FAM217B: variants seen among roughly 807,000 people sequenced by gnomAD.
FAM217B encodes the protein protein FAM217B.
For synonymous variants in FAM217B, 163 were observed against 173.0 expected (o/e 0.94, Z 0.45); for missense variants, 463 against 456.9 (o/e 1.01, Z -0.12).
upstream of FAM217B, chr20:59,939,247 G>T: frequency 6.2e-7 from 1 of 1,611,670 alleles, no homozygotes; most frequent in Non-Finnish European, 8.5e-7. Flanking sequence ...GTGCCCTCGG[G>T]GCCTGCGGGC....
At chr20:59,934,631 T>C (rs1006095091) in intron 1 of FAM217B, among the ~76,000 whole-genome samples, 4 of 152,250 alleles carry the variant, frequency 2.6e-5, no homozygotes, top group African/African-American at 7.2e-5. Context: ...TTTGGATTAA[T>C]ATTTGTGTCG....
upstream of FAM217B, chr20:59,939,257 C>CCCGCGCCA (rs748334915): frequency 3.1e-3 from 5,044 of 1,612,056 alleles, 8 homozygotes; most frequent in Non-Finnish European, 4.0e-3. Flanking sequence ...GGCCTGCGGG[C>CCCGCGCCA]CCGCGCCACC....
intron 1 of FAM217B, among the ~76,000 whole-genome samples, chr20:59,934,388 T>C (rs1028806628): frequency 1.3e-5 from 2 of 152,128 alleles, no homozygotes; most frequent in Non-Finnish European, 1.5e-5. Context: ...CGCGAAAGGG[T>C]CTCCTTGCCC....
intron 1 of FAM217B, among the ~76,000 whole-genome samples, chr20:59,934,297 C>T (rs1486753483): frequency 6.6e-6 from 1 of 152,240 alleles, no homozygotes; most frequent in Non-Finnish European, 1.5e-5. Context: ...TCAGACGCTT[C>T]CATTTAAGAG....
chr20:59,937,392 A>C (rs1015557641), upstream of FAM217B: 1 of 152,792 alleles, frequency 6.5e-6, no homozygotes, highest in African/African-American at 2.4e-5. Flanking sequence ...CAATTTAGTC[A>C]CAATATTTCA....
upstream of FAM217B, chr20:59,940,112 G>C: frequency 2.3e-6 from 1 of 435,042 alleles, no homozygotes; most frequent in Non-Finnish European, 4.0e-6. Flanking sequence ...CCTTGTCCAG[G>C]TCCTCCGCTT....
chr20:59,943,817 C>A, intron 3 of FAM217B, 123 bp from the exon 4 acceptor site: 2 of 751,238 alleles, frequency 2.7e-6, no homozygotes, highest in Non-Finnish European at 4.3e-6. Context: ...CTGACATTTT[C>A]TAATGCCTAC....
upstream of FAM217B, chr20:59,940,002 G>T: frequency 8.4e-7 from 1 of 1,190,956 alleles, no homozygotes; most frequent in Non-Finnish European, 1.1e-6. Context: ...AGCTCCCTCC[G>T]TGCTCAGAAG....
rs538611003 is a variant in FAM217B at position 59,947,903 on chromosome 20, T to G, written c.*2808T>G. The stretch of plus-strand genomic sequence containing the variant: ...TTGAATCATGAACTCATTCAATTCA[T>G]CAAGTCAAAAGCACTGAGTGTTTTG... On this transcript the variant is annotated 3_prime_UTR_variant, in exon 4 of 4. Coordinates refer to ENST00000360816, the MANE Select transcript of FAM217B (RefSeq NM_022106.3). 6.0e-6 allele frequency: 1 copy of G among 167,152 alleles called. No homozygotes were observed. Among genetic ancestry groups the G allele is most frequent in the African/African-American group, 2.4e-5 (1 of 41,576 alleles). The allele number at this position is 167,152 out of a possible 1,614,324, so 10.4% of individuals were successfully genotyped here. A position where few individuals can be genotyped will look rare whatever the true frequency, so the allele number is the denominator to read the frequency against.
upstream of FAM217B, chr20:59,937,320 AC>A (rs2032063806): frequency 6.5e-6 from 1 of 152,676 alleles, no homozygotes; most frequent in African/African-American, 2.4e-5. Flanking sequence ...AGGAAATGTA[AC>A]AAGGCTTCTC....
chr20:59,939,621 C>G, upstream of FAM217B: 2 of 1,586,252 alleles, frequency 1.3e-6, no homozygotes, highest in Non-Finnish European at 1.7e-6. Flanking sequence ...GTCGGCGAAG[C>G]GCACGCGGAG....
chr20:59,939,531 C>T (rs1381435052), upstream of FAM217B: 2 of 1,611,880 alleles, frequency 1.2e-6, no homozygotes, highest in Non-Finnish European at 1.7e-6. Flanking sequence ...GATTGCGAGC[C>T]GCGACAGCAC....
intron 1 of FAM217B, among the ~76,000 whole-genome samples, chr20:59,934,016 G>C (rs1468803949): frequency 6.6e-6 from 1 of 152,122 alleles, no homozygotes. Flanking sequence ...TGGAAGGGAC[G>C]GAAGCGCGGG....
At chr20:59,937,337 CTT>C (rs952778815), upstream of FAM217B, 19 of 152,546 alleles carry the variant, frequency 1.2e-4, no homozygotes, top group Non-Finnish European at 2.4e-4. Flanking sequence ...TTCTCTCTCT[CTT>C]GCATGTTAAT....
chr20:59,936,425 T>A (rs552833304), upstream of FAM217B, among the ~76,000 whole-genome samples: 1 of 152,352 alleles, frequency 6.6e-6, no homozygotes, highest in South Asian at 2.1e-4. Context: ...AAAATAAATG[T>A]AAGTTTTCTT....
intron 1 of FAM217B, among the ~76,000 whole-genome samples, chr20:59,940,816 C>T (rs1035116799): frequency 6.6e-6 from 1 of 152,202 alleles, no homozygotes; most frequent in African/African-American, 2.4e-5. Context: ...GTCATGTCCA[C>T]ATCACCCAGA....
At chr20:59,934,449 TC>T (rs142179061) in intron 1 of FAM217B, among the ~76,000 whole-genome samples, 2,141 of 152,332 alleles carry the variant, frequency 0.014, 50 homozygotes, top group African/African-American at 0.047. Context: ...CTGCGTGTTT[TC>T]CCCGTGCTCG....
In FAM217B at chr20:59,944,770, G is replaced by C; in HGVS notation, c.827G>C (p.Gly276Ala). Residue 276 changes from glycine to alanine, a missense_variant, in exon 4 of 4, where the codon GGT becomes GCT. Physicochemically the swap from Gly to Ala is moderately conservative, Grantham distance 60. Coordinates refer to ENST00000360816, the MANE Select transcript of FAM217B (RefSeq NM_022106.3). ...TSPRPIDVLG[G>A]TRFCSQRQTL... is the part of the protein sequence containing the mutation. ...CCTAGACCCATTGATGTGCTTGGTG[G>C]TACCAGGTTTTGTTCTCAGAGGCAA... 6.2e-7 allele frequency: 1 copy of C among 1,614,184 alleles called. No homozygotes were observed. The highest frequency in any genetic ancestry group is 8.5e-7 in the Non-Finnish European group (1 of 1,180,036).
At chr20:59,937,634 T>G (rs1325773142), upstream of FAM217B, 1 of 152,020 alleles carries the variant, frequency 6.6e-6, no homozygotes, top group African/African-American at 2.4e-5. Context: ...TATCATAAGC[T>G]TCACAAATTG....
Sources: gnomAD v4.1 joint callset for allele counts (sites outside exome capture counted in the v4.1 genomes callset) on GRCh38, gnomAD v4.1.1 for gene constraint, MANE v1.5 for transcripts, NCBI Gene and HGNC (gene_info 2026-07-23, HGNC 2026-07-21) for gene names.